The following XPO7 variants were observed in gnomAD, a reference collection of about 807,000 sequenced individuals.
XPO7 encodes exportin 7.
XPO7 carries 21 observed loss-of-function variants against 144.3 expected under a neutral mutation model. That is an observed-to-expected ratio of 0.15 (90% CI 0.10 to 0.21). The LOEUF (loss-of-function observed/expected upper bound fraction) is 0.21, where lower values mean the gene tolerates loss of function less well. Among genes scored for constraint, XPO7 ranks in the 10% least tolerant of loss-of-function variants. The pLI, the probability that XPO7 is intolerant of heterozygous loss-of-function variation, is 1.00. For synonymous variants in XPO7, 580 were observed against 499.6 expected (o/e 1.16, Z -2.15); for missense variants, 808 against 1,325.8 (o/e 0.61, Z 6.06).
At position 22,002,287 on chromosome 8, in the gene XPO7, G is replaced by A; in HGVS notation, c.2943+15G>A. ...TGATCCAGCAGGTAAGAAAGTGGAG[G>A]CTTAGGAGGCAGTGATGGGGTGTCC... On this transcript the variant is annotated intron_variant, in intron 25 of 27. Coordinates refer to ENST00000252512, the MANE Select transcript of XPO7 (RefSeq NM_015024.5). The A allele has an allele frequency of 6.2e-7, 1 of 1,609,878 alleles. No individual in the cohort carries two copies. The highest frequency in any genetic ancestry group is 8.5e-7 in the Non-Finnish European group (1 of 1,178,390).
At chr8:21,991,397 A>G (rs1335873889) in intron 18 of XPO7, among the ~76,000 whole-genome samples, 1 of 152,170 alleles carries the variant, frequency 6.6e-6, no homozygotes, top group Non-Finnish European at 1.5e-5. Context: ...GTATTACTCT[A>G]ATTTCGAGCT....
chr8:21,957,401 T>A (rs1811571314), intron 1 of XPO7, among the ~76,000 whole-genome samples: 1 of 152,216 alleles, frequency 6.6e-6, no homozygotes, highest in Admixed American at 6.5e-5. Context: ...CATCTGAGCA[T>A]GTAGCATAAA....
At chr8:21,925,288 C>T (rs938545131) in intron 1 of XPO7, among the ~76,000 whole-genome samples, 2 of 152,206 alleles carry the variant, frequency 1.3e-5, no homozygotes, top group Non-Finnish European at 2.9e-5. Context: ...CCCCTTCGCA[C>T]ATGTGTGCAT....
At chr8:21,987,716 C>T in intron 14 of XPO7, 68 bp from the exon 15 acceptor site, 1 of 1,566,492 alleles carries the variant, frequency 6.4e-7, no homozygotes, top group Non-Finnish European at 8.7e-7. Flanking sequence ...TGAGTGTGGA[C>T]AAAAATAGTA....
At position 21,985,699 on chromosome 8, in the gene XPO7, C is replaced by T; in HGVS notation, c.1577+8C>T. On this transcript the variant is annotated splice_region_variant and intron_variant, in intron 13 of 27. Coordinates refer to ENST00000252512, the MANE Select transcript of XPO7 (RefSeq NM_015024.5). ...TGGTGAGCTTGTCTGTCGGTAAGTGCTCCCCACAGAAGCTCTCCACTCTGC... is the reference window on the plus strand; with the variant it reads ...TGGTGAGCTTGTCTGTCGGTAAGTGTTCCCCACAGAAGCTCTCCACTCTGC... 2.5e-6 allele frequency: 4 copies of T among 1,612,060 alleles called. No homozygotes were observed. Among genetic ancestry groups the T allele is most frequent in the Non-Finnish European group, 3.4e-6 (4 of 1,179,040 alleles).
At chr8:21,924,646 AGT>A (rs1810401837) in intron 1 of XPO7, among the ~76,000 whole-genome samples, 1 of 152,096 alleles carries the variant, frequency 6.6e-6, no homozygotes, top group African/African-American at 2.4e-5. Flanking sequence ...GGGTGGGGAG[AGT>A]GTGCCTACAC....
chr8:21,980,390 G>A (rs760567038), intron 9 of XPO7, among the ~76,000 whole-genome samples, 187 bp downstream of exon 9: 6 of 152,088 alleles, frequency 3.9e-5, no homozygotes, highest in South Asian at 4.1e-4. Context: ...ATATCCTCCC[G>A]CTTCAGAAAT....
chr8:21,965,448 C>T (rs1031085654), intron 1 of XPO7, among the ~76,000 whole-genome samples: 1 of 152,174 alleles, frequency 6.6e-6, no homozygotes, highest in Non-Finnish European at 1.5e-5. Flanking sequence ...GCGATTTTCT[C>T]TGTGCTTTTG....
chr8:21,978,846 T>C (rs1040221619), intron 8 of XPO7, among the ~76,000 whole-genome samples: 1 of 152,200 alleles, frequency 6.6e-6, no homozygotes, highest in Admixed American at 6.5e-5. Flanking sequence ...CTGTTCCCTC[T>C]GCCCTCTAAT....
intron 19 of XPO7, among the ~76,000 whole-genome samples, chr8:21,993,118 G>A (rs1812823622): frequency 6.6e-6 from 1 of 152,032 alleles, no homozygotes; most frequent in Non-Finnish European, 1.5e-5. Context: ...ACCATTCAAA[G>A]CTTGGGTTAT....
intron 5 of XPO7, 52 bp from the exon 6 acceptor site, chr8:21,974,618 A>T: frequency 1.5e-6 from 2 of 1,339,804 alleles, no homozygotes; most frequent in Admixed American, 2.6e-5. Flanking sequence ...TACATGAAAA[A>T]TTCTTTTTTT....
At chr8:21,999,979 T>C (rs1198342593) in intron 24 of XPO7, among the ~76,000 whole-genome samples, 1 of 152,230 alleles carries the variant, frequency 6.6e-6, no homozygotes, top group African/African-American at 2.4e-5. Context: ...CTGTTTACCA[T>C]ACTTACCACT....
chr8:22,004,650 G>A (rs192014060), intron 27 of XPO7, among the ~76,000 whole-genome samples: 11 of 152,142 alleles, frequency 7.2e-5, no homozygotes, highest in South Asian at 2.1e-4. Flanking sequence ...GTTAGCAGCC[G>A]CCCTATTGGA....
intron 1 of XPO7, among the ~76,000 whole-genome samples, chr8:21,965,770 T>G (rs535555730): frequency 6.6e-6 from 1 of 152,350 alleles, no homozygotes; most frequent in South Asian, 2.1e-4. Flanking sequence ...TGAAATAAAG[T>G]GATAATGAAA....
chr8:21,994,186 CT>C (rs1176286623), intron 19 of XPO7, among the ~76,000 whole-genome samples, 176 bp from the exon 20 acceptor site: 3 of 152,130 alleles, frequency 2.0e-5, no homozygotes, highest in African/African-American at 4.8e-5. Context: ...CAAACTTCCA[CT>C]GCTAGAATGA....
At chr8:21,953,271 C>G (rs1431063308) in intron 1 of XPO7, among the ~76,000 whole-genome samples, 5 of 152,150 alleles carry the variant, frequency 3.3e-5, no homozygotes, top group Non-Finnish European at 5.9e-5. Context: ...CTGTCACCAT[C>G]ATTTCTCCCC....
intron 1 of XPO7, among the ~76,000 whole-genome samples, chr8:21,954,723 C>G (rs551273966): frequency 2.6e-5 from 4 of 152,248 alleles, no homozygotes; most frequent in Admixed American, 1.3e-4. Flanking sequence ...CATGAGAACT[C>G]AAAAATAAAT....
chr8:21,921,888 A>C (rs1038701652), intron 1 of XPO7, among the ~76,000 whole-genome samples: 5 of 152,152 alleles, frequency 3.3e-5, no homozygotes, highest in African/African-American at 1.2e-4. Flanking sequence ...CAGACCACTA[A>C]GTGTTAATAG....
chr8:21,930,945 A>G (rs1304706901), intron 1 of XPO7, among the ~76,000 whole-genome samples: 1 of 152,082 alleles, frequency 6.6e-6, no homozygotes, highest in Non-Finnish European at 1.5e-5. Flanking sequence ...GGTTCAAGCA[A>G]TTCTCCCACC....
Sources: allele counts gnomAD v4.1 joint callset (sites outside exome capture counted in the v4.1 genomes callset), GRCh38; gene constraint gnomAD v4.1.1; transcripts MANE v1.5; gene names NCBI Gene and HGNC (gene_info 2026-07-23, HGNC 2026-07-21).